Variants in URB1 observed in about 807,000 individuals in gnomAD.
URB1 encodes the protein nucleolar pre-ribosomal-associated protein 1.
A neutral mutation model predicts 242.3 loss-of-function variants in URB1; 197 were observed. The ratio of observed to expected loss-of-function variants is 0.81; its 90% CI spans 0.72 to 0.91. URB1 has a LOEUF of 0.91. Ranked by LOEUF, URB1 falls within the 40% of genes least tolerant of loss-of-function variation. The probability of loss-of-function intolerance (pLI) is 0.00; values close to 1 mark genes in which losing one functional copy is unlikely to be tolerated. For missense variants in URB1, 2,721 were observed against 2,860.5 expected, an observed-to-expected ratio of 0.95 and a Z score of 1.11; for synonymous variants, 1,153 against 1,201.8, an observed-to-expected ratio of 0.96 and a Z score of 0.84.
chr21:32,382,161 G>A lies in URB1; in HGVS notation c.567+1261C>T, dbSNP rs531273512. On this transcript the variant is annotated intron_variant, in intron 4 of 38. Transcript: ENST00000382751. The stretch of plus-strand genomic sequence containing the variant: ...CTCCTAAAGTCTATTTCACTTAGAC[G>A]GCGGGGAGGGCTGAGATCAAAAGAG... 2.0e-4 allele frequency among the ~76,000 whole-genome samples: 31 copies of A among 152,222 alleles called. No individual in the cohort carries two copies. The South Asian group carries it at 5.4e-3, about 27-fold the overall frequency.
chr21:32,335,348 T>C (rs1467859055), intron 28 of URB1: 1 of 152,346 alleles, frequency 6.6e-6, no homozygotes, highest in African/African-American at 2.4e-5. Context: ...CTTGAGCACA[T>C]AGGGCCTGGC....
intron 6 of URB1, 48 bp downstream of exon 6, chr21:32,375,350 T>C (rs1322255135): frequency 1.6e-6 from 2 of 1,229,486 alleles, no homozygotes; most frequent in Admixed American, 2.7e-5. Context: ...AATATCTCCA[T>C]TCCCAAGGGA....
chr21:32,354,717 C>A, intron 17 of URB1, 142 bp downstream of exon 17: 1 of 1,118,264 alleles, frequency 8.9e-7, no homozygotes, highest in African/African-American at 1.6e-5. Flanking sequence ...AGATTATTTC[C>A]AGAACAGGCT....
chr21:32,344,760 C>A lies in URB1; in HGVS notation c.4071-4G>T, dbSNP rs781781171. ...AATGGAGTCGGCCACGATCCACCTG[C>A]AGCAGGAGATGAGAGTCAGAGACAG... On this transcript the variant is annotated splice_region_variant and splice_polypyrimidine_tract_variant and intron_variant, in intron 23 of 38. Transcript: ENST00000382751. 3 of 1,549,486 alleles carry A rather than the reference C, an allele frequency of 1.9e-6. No individual in the cohort carries two copies. The highest frequency in any genetic ancestry group is 1.7e-4 in the Middle Eastern group (1 of 6,012).
At position 32,317,860 on chromosome 21, in the gene URB1, C is replaced by T; in HGVS notation, c.5850G>A (p.Leu1950=). Reference sequence around the variant, plus strand: ...CCTGTATGACAGTGGCCCGGTACCTCAGCACGGAGTCAAGTGTCCCGAAGA... The same window carrying T: ...CCTGTATGACAGTGGCCCGGTACCTTAGCACGGAGTCAAGTGTCCCGAAGA... ...TNFFGTLDSV[L]RYRATVIQAF... Residue 1950 remains leucine (L), a synonymous_variant, in exon 37 of 39, where the codon CTG becomes CTA. Transcript: ENST00000382751. The T allele has an allele frequency of 1.3e-6, 2 of 1,551,832 alleles. No individual in the cohort carries two copies. The highest frequency in any genetic ancestry group is 1.7e-6 in the Non-Finnish European group (2 of 1,147,038).
rs1044493828 is a variant in URB1 at position 32,312,391 on chromosome 21, C to T, written c.*2527G>A. ...GTCCTTCTGTACCTTTGTTAGGATG[C>T]TGGGTAAGTTCCCATCCAAGCTCCA... is the stretch of plus-strand genomic sequence containing the variant. On this transcript the variant is annotated 3_prime_UTR_variant, in exon 39 of 39. Coordinates refer to ENST00000382751, the MANE Select transcript of URB1 (RefSeq NM_014825.3). The T allele has an allele frequency of 3.7e-6, 4 of 1,070,682 alleles. No individual in the cohort carries two copies. The highest frequency in any genetic ancestry group is 4.7e-6 in the Non-Finnish European group (4 of 848,532). 66.3% of individuals were successfully genotyped at this position (1,070,682 alleles called of 1,614,324 possible). A position where few individuals can be genotyped will look rare whatever the true frequency, so the allele number is the denominator to read the frequency against.
rs564876397 is a variant in URB1 at position 32,315,082 on chromosome 21, C to T, written c.6652G>A (p.Val2218Met). The T allele has an allele frequency of 1.5e-4, 224 of 1,534,764 alleles. No individual in the cohort carries two copies. Among genetic ancestry groups the T allele is most frequent in the Non-Finnish European group, 1.9e-4 (217 of 1,135,358 alleles). Residue 2218 changes from valine (V) to methionine (M), a missense_variant, in exon 39 of 39, where the codon GTG (valine) becomes ATG (methionine). Val to Met is a conservative substitution (Grantham distance 21, BLOSUM62 1). Transcript: ENST00000382751. ...EATQASAAFL[V>M]SLYIKDIWLG... ...CAGATGTCCTTTATGTAGAGAGACA[C>T]TAGGAATGCTGCGGAGGCTGAACAA...
At chr21:32,386,315 C>T (rs556238056) in intron 1 of URB1, among the ~76,000 whole-genome samples, 52 of 152,288 alleles carry the variant, frequency 3.4e-4, no homozygotes, top group African/African-American at 1.1e-3. Context: ...AGAGAGCTCC[C>T]TCTCTGCATG....
At chr21:32,372,672 C>T (rs1016594688) in intron 7 of URB1, 41 bp from the exon 8 acceptor site, 3 of 1,533,676 alleles carry the variant, frequency 2.0e-6, no homozygotes, top group Non-Finnish European at 1.8e-6. Flanking sequence ...ATCCCAAGCT[C>T]ATACACTTTA....
chr21:32,381,219 G>A (rs183885007), intron 4 of URB1, among the ~76,000 whole-genome samples: 2 of 152,206 alleles, frequency 1.3e-5, no homozygotes, highest in African/African-American at 4.8e-5. Context: ...GACCTCACAG[G>A]GTTATTATTC....
chr21:32,368,440 T>A lies in URB1; in HGVS notation c.1160A>T (p.Lys387Met). 1 of 1,550,046 alleles carries A rather than the reference T, an allele frequency of 6.5e-7. No homozygotes were observed. The highest frequency in any genetic ancestry group is 8.7e-7 in the Non-Finnish European group (1 of 1,146,476). Residue 387 changes from lysine to methionine, a missense_variant, in exon 9 of 39, where the codon AAG becomes ATG. Transcript: ENST00000382751. Reference sequence around the variant, plus strand: ...TTTGATATTATTTAACCAAGTAGACTTCGCTCGTGGGATAAAGGAAAACGT... The same window carrying A: ...TTTGATATTATTTAACCAAGTAGACATCGCTCGTGGGATAAAGGAAAACGT... ...EVTFSFIPRA[K>M]STWLNNIKLL...
chr21:32,352,172 C>T (rs564374904), intron 19 of URB1, among the ~76,000 whole-genome samples: 2 of 152,300 alleles, frequency 1.3e-5, no homozygotes, highest in South Asian at 4.1e-4. Context: ...CCACAAATTT[C>T]GTGCCCCACA....
chr21:32,319,930 C>A lies in URB1; in HGVS notation c.5595-516G>T, dbSNP rs146331935. Among the ~76,000 whole-genome samples, 5 of 152,302 alleles carry A rather than the reference C, an allele frequency of 3.3e-5. No homozygotes were observed. In the East Asian group the frequency reaches 9.6e-4, roughly 29 times the overall value. Reference sequence around the variant, plus strand: ...CCCAGGCTTATTATAGTAGTTAGTTCTTTGTAAGACAGAGCCCTCCCGCCA... The same window carrying A: ...CCCAGGCTTATTATAGTAGTTAGTTATTTGTAAGACAGAGCCCTCCCGCCA... On this transcript the variant is annotated intron_variant, in intron 35 of 38. Coordinates refer to ENST00000382751, the MANE Select transcript of URB1 (RefSeq NM_014825.3).
chr21:32,315,619 T>C (rs1376318535), intron 38 of URB1, among the ~76,000 whole-genome samples: 2 of 152,228 alleles, frequency 1.3e-5, no homozygotes, highest in Non-Finnish European at 2.9e-5. Context: ...GATGAATATG[T>C]GTGGATCCCC....
chr21:32,366,399 C>T (rs1027804710), intron 10 of URB1, among the ~76,000 whole-genome samples: 6 of 152,336 alleles, frequency 3.9e-5, no homozygotes, highest in African/African-American at 1.4e-4. Flanking sequence ...TCCGTTGTCC[C>T]TAGAAGCAAA....
At chr21:32,336,003 G>C (rs1241643646) in intron 28 of URB1, among the ~76,000 whole-genome samples, 1 of 152,100 alleles carries the variant, frequency 6.6e-6, no homozygotes, top group African/African-American at 2.4e-5. Context: ...TGGGTAGCTG[G>C]AACAATGCTG....
At chr21:32,379,170 C>T (rs1381359715) in intron 4 of URB1, among the ~76,000 whole-genome samples, 2 of 152,248 alleles carry the variant, frequency 1.3e-5, no homozygotes, top group African/African-American at 2.4e-5. Flanking sequence ...GCCCCAACAC[C>T]GTGACAGCAG....
chr21:32,392,355 G>C (rs1255412516), intron 1 of URB1, among the ~76,000 whole-genome samples: 1 of 152,164 alleles, frequency 6.6e-6, no homozygotes, highest in East Asian at 1.9e-4. Flanking sequence ...GAGTGTTGGG[G>C]GATGGAAGCT....
In URB1 at chr21:32,337,117, G is replaced by A. The variant is rs1303976252; in HGVS notation, c.4662C>T (p.Asn1554=). The A allele has an allele frequency of 2.6e-6, 4 of 1,551,764 alleles. No homozygotes were observed. Among genetic ancestry groups the A allele is most frequent in the Admixed American group, 2.0e-5 (1 of 50,994 alleles). Reference sequence around the variant, plus strand: ...ACCTGAAGTTGATGAGGCTGAGCTTGTTCTGCTCATACGCTCGAAGCAGAA... The same window carrying A: ...ACCTGAAGTTGATGAGGCTGAGCTTATTCTGCTCATACGCTCGAAGCAGAA... ...ILLLLRAYEQ[N]KLSLINFRVL... Residue 1554 remains asparagine (N), a synonymous_variant, in exon 28 of 39, where the codon AAC becomes AAT. Coordinates refer to ENST00000382751, the MANE Select transcript of URB1 (RefSeq NM_014825.3).
Sources: gnomAD v4.1 joint callset for allele counts (sites outside exome capture counted in the v4.1 genomes callset) on GRCh38, gnomAD v4.1.1 for gene constraint, MANE v1.5 for transcripts, NCBI Gene and HGNC (gene_info 2026-07-23, HGNC 2026-07-21) for gene names.